Variants in OPRM1 observed in about 807,000 individuals in gnomAD.
OPRM1 encodes opioid receptor mu 1.
A neutral mutation model predicts 31.8 loss-of-function variants in OPRM1; 27 were observed. The observed-to-expected ratio is 0.85, with a 90% confidence interval of 0.63 to 1.17. The LOEUF (loss-of-function observed/expected upper bound fraction) is 1.17. OPRM1 is among the 50% of genes most tolerant of loss of function. OPRM1 has a pLI of 0.00. For missense variants in OPRM1, 536 were observed against 511.1 expected (o/e 1.05, Z -0.47); for synonymous variants, 196 against 189.9 (o/e 1.03, Z -0.26).
intron 3 of OPRM1, among the ~76,000 whole-genome samples, chr6:154,216,311 TGG>T (rs896621005): frequency 4.6e-5 from 7 of 151,728 alleles, no homozygotes; most frequent in Admixed American, 4.6e-4. Flanking sequence ...AAGATGGGGG[TGG>T]GGGGTGGTTG....
chr6:154,036,554 C>G (rs1779308853), upstream of OPRM1, among the ~76,000 whole-genome samples: 1 of 151,946 alleles, frequency 6.6e-6, no homozygotes, highest in Non-Finnish European at 1.5e-5. Context: ...TGGGGTTGCT[C>G]TTTGCCTGTA....
chr6:154,178,315 A>G (rs1800533444), intron 3 of OPRM1, among the ~76,000 whole-genome samples: 1 of 152,158 alleles, frequency 6.6e-6, no homozygotes. Flanking sequence ...TTAAAATTAC[A>G]TATCTGATTC....
chr6:154,173,126 C>T (rs2128558887), intron 3 of OPRM1, among the ~76,000 whole-genome samples: 1 of 152,280 alleles, frequency 6.6e-6, no homozygotes, highest in South Asian at 2.1e-4. Context: ...GCATCAACAT[C>T]AACAAAAAGG....
At chr6:154,220,821 A>G (rs1357821599) in intron 3 of OPRM1, among the ~76,000 whole-genome samples, 1 of 152,262 alleles carries the variant, frequency 6.6e-6, no homozygotes, top group African/African-American at 2.4e-5. Context: ...GCGTTTTGCA[A>G]TATGTTCAGG....
At chr6:154,019,841 C>T (rs751036140) in intron 1 of OPRM1, among the ~76,000 whole-genome samples, 10 of 150,992 alleles carry the variant, frequency 6.6e-5, no homozygotes, top group Non-Finnish European at 1.2e-4. Flanking sequence ...TCAAGCAATC[C>T]CCCCATCTCA....
chr6:154,163,546 A>T (rs1799193039), intron 3 of OPRM1, among the ~76,000 whole-genome samples: 1 of 152,188 alleles, frequency 6.6e-6, no homozygotes, highest in Non-Finnish European at 1.5e-5. Flanking sequence ...TTCTCCTACT[A>T]AAACATAAGC....
At position 154,151,280 on chromosome 6, in the gene OPRM1, A is replaced by T. The variant is rs1798493193; in HGVS notation, c.1164+59808A>T. Among the ~76,000 whole-genome samples, 3 of 152,192 alleles carry T rather than the reference A, an allele frequency of 2.0e-5. No individual in the cohort carries two copies. The South Asian group carries it at 6.2e-4, about 31-fold the overall frequency. ...GAATGCTTTCAGAAGGGAGTGAGGG[A>T]AGCAAGATAGGACAAGGGGGTGGGA... On this transcript the variant is annotated intron_variant, in intron 3 of 3. Transcript: ENST00000337049.
intron 3 of OPRM1, among the ~76,000 whole-genome samples, chr6:154,095,206 G>A (rs535964164): frequency 3.9e-5 from 6 of 152,300 alleles, no homozygotes; most frequent in Admixed American, 2.0e-4. Context: ...CAGGAGAATC[G>A]CTTGAACCTG....
At chr6:154,231,696 A>C (rs1779733661) in intron 3 of OPRM1, among the ~76,000 whole-genome samples, 2 of 152,372 alleles carry the variant, frequency 1.3e-5, no homozygotes, top group Admixed American at 1.3e-4. Context: ...TTGCGAAAAG[A>C]AACATGGGAA....
intron 3 of OPRM1, among the ~76,000 whole-genome samples, chr6:154,204,160 T>A (rs934581787): frequency 2.6e-5 from 4 of 152,248 alleles, no homozygotes; most frequent in African/African-American, 9.6e-5. Flanking sequence ...ATACTGATTT[T>A]TCCTATTTTC....
At chr6:154,074,930 A>G (rs1311757726) in intron 1 of OPRM1, among the ~76,000 whole-genome samples, 3 of 152,130 alleles carry the variant, frequency 2.0e-5, no homozygotes, top group Non-Finnish European at 4.4e-5. Context: ...GAGAGGCAAT[A>G]TTGGAAGAAA....
At chr6:154,103,353 G>A (rs619089) in intron 3 of OPRM1, among the ~76,000 whole-genome samples, 98,461 of 152,044 alleles carry the variant, frequency 0.65, 32,425 homozygotes, top group East Asian at 0.9. Context: ...TACTTAGAAA[G>A]AAAGCAAGTA....
At chr6:154,182,022 T>C (rs1197028745) in intron 3 of OPRM1, among the ~76,000 whole-genome samples, 1 of 152,174 alleles carries the variant, frequency 6.6e-6, no homozygotes, top group Non-Finnish European at 1.5e-5. Flanking sequence ...CCTGCACATC[T>C]GCGCATGTAT....
At chr6:154,138,174 T>C (rs917574108) in intron 3 of OPRM1, among the ~76,000 whole-genome samples, 1 of 152,182 alleles carries the variant, frequency 6.6e-6, no homozygotes, top group Non-Finnish European at 1.5e-5. Context: ...TCTCTGAGCC[T>C]GTTTCTGCCA....
At chr6:154,147,895 C>T (rs894698899) in intron 3 of OPRM1, among the ~76,000 whole-genome samples, 4 of 152,204 alleles carry the variant, frequency 2.6e-5, no homozygotes, top group African/African-American at 7.2e-5. Context: ...CCCTTGGTTC[C>T]TTGACCTATA....
intron 1 of OPRM1, among the ~76,000 whole-genome samples, chr6:154,022,805 C>T (rs1778455067): frequency 6.6e-6 from 1 of 152,216 alleles, no homozygotes; most frequent in Non-Finnish European, 1.5e-5. Context: ...ATTGAAGAGA[C>T]TGTCTTTCTC....
At position 154,110,244 on chromosome 6, in the gene OPRM1, A is replaced by C. The variant is rs1796194777; in HGVS notation, c.1165-8439A>C. On this transcript the variant is annotated intron_variant, in intron 3 of 3. Transcript: ENST00000330432. ...TTTGTTTTCTGGTGATATTACAAGA[A>C]AAAAATCTATGTACCTTTGGGGTAT... 15 of 589,508 alleles carry C rather than the reference A, an allele frequency of 2.5e-5. No individual in the cohort carries two copies. The South Asian group carries it at 3.4e-4, about 13-fold the overall frequency. The allele number at this position is 589,508 out of a possible 1,614,324, so 36.5% of individuals were successfully genotyped here. A position where few individuals can be genotyped will look rare whatever the true frequency, so the allele number is the denominator to read the frequency against.
intron 3 of OPRM1, among the ~76,000 whole-genome samples, chr6:154,172,006 A>AGAATGG (rs1352980035): frequency 3.3e-5 from 5 of 152,264 alleles, no homozygotes; most frequent in African/African-American, 1.2e-4. Flanking sequence ...AAAGATAAAT[A>AGAATGG]GAATGGTTTC....
At chr6:154,050,254 A>G (rs1781928514) in intron 1 of OPRM1, among the ~76,000 whole-genome samples, 1 of 152,160 alleles carries the variant, frequency 6.6e-6, no homozygotes, top group African/African-American at 2.4e-5. Context: ...TATACTCAAA[A>G]CAAAGGAAGT....
Sources: gnomAD v4.1 joint callset for allele counts (sites outside exome capture counted in the v4.1 genomes callset) on GRCh38, gnomAD v4.1.1 for gene constraint, MANE v1.5 for transcripts, NCBI Gene and HGNC (gene_info 2026-07-23, HGNC 2026-07-21) for gene names.